ETFBKMT: variants seen among roughly 807,000 people sequenced by gnomAD.
ETFBKMT encodes the protein electron transfer flavoprotein beta subunit lysine methyltransferase.
ETFBKMT carries 13 observed loss-of-function variants against 18.3 expected under a neutral mutation model. The observed-to-expected ratio is 0.71, with a 90% CI of 0.46 to 1.13. ETFBKMT has a LOEUF of 1.13. Among genes scored for constraint, ETFBKMT ranks in the 50% most tolerant of loss-of-function variants. The pLI, the probability that ETFBKMT is intolerant of heterozygous loss-of-function variation, is 0.00. For synonymous variants in ETFBKMT, 84 were observed against 107.9 expected (o/e 0.78, Z 1.37); for missense variants, 293 against 306.2 (o/e 0.96, Z 0.32).
upstream of ETFBKMT, among the ~76,000 whole-genome samples, chr12:31,655,178 G>A (rs1951051409): frequency 6.6e-6 from 1 of 151,574 alleles, no homozygotes; most frequent in South Asian, 2.1e-4. Context: ...TTTTGGTGAT[G>A]GTTTCATGAG....
upstream of ETFBKMT, among the ~76,000 whole-genome samples, chr12:31,656,027 G>A (rs1419110864): frequency 6.6e-6 from 1 of 152,172 alleles, no homozygotes; most frequent in Non-Finnish European, 1.5e-5. Flanking sequence ...GATATGTAAT[G>A]TTTGTTATTT....
intron 3 of ETFBKMT, 125 bp downstream of exon 3, chr12:31,666,342 C>A: frequency 9.9e-7 from 1 of 1,012,322 alleles, no homozygotes; most frequent in Non-Finnish European, 1.4e-6. Context: ...TTGTGAATCT[C>A]TGTGCACTGG....
chr12:31,648,655 G>A (rs371784068), intron 1 of ETFBKMT, among the ~76,000 whole-genome samples: 2 of 140,246 alleles, frequency 1.4e-5, no homozygotes, highest in Non-Finnish European at 3.0e-5. Context: ...TCTGCCTCCC[G>A]GGTTCTAGCC....
In ETFBKMT at chr12:31,661,850, T is replaced by C; in HGVS notation, c.-104T>C. The C allele has an allele frequency of 1.0e-6, 1 of 1,001,878 alleles. No homozygotes were observed. Among genetic ancestry groups the C allele is most frequent in the African/African-American group, 1.6e-5 (1 of 61,982 alleles). 62.1% of individuals were successfully genotyped at this position (1,001,878 alleles called of 1,614,324 possible). ...TTCTTTTTTTTTTCAGAGTCAGAGGTTCCGGTTGAGATCAAGTTGGGAGAC... is the reference window on the plus strand; with the variant it reads ...TTCTTTTTTTTTTCAGAGTCAGAGGCTCCGGTTGAGATCAAGTTGGGAGAC... On this transcript the variant is annotated 5_prime_UTR_variant, in exon 2 of 4. Coordinates refer to ENST00000357721, the MANE Select transcript of ETFBKMT (RefSeq NM_001135863.2).
Position 31,671,008 on chromosome 12 carries a change from C to T in ETFBKMT, c.*3018C>T, listed in dbSNP as rs1951258473. Reference sequence around the variant, plus strand: ...ACAGAGTGGTGAGAAATAGTTAATACAGCTAGCAACATAAAAAAGGAGAAA... The same window carrying T: ...ACAGAGTGGTGAGAAATAGTTAATATAGCTAGCAACATAAAAAAGGAGAAA... On this transcript the variant is annotated 3_prime_UTR_variant, in exon 4 of 4. Transcript: ENST00000357721. The T allele has an allele frequency of 6.6e-6, 1 of 152,098 alleles. No individual in the cohort carries two copies. The highest frequency in any genetic ancestry group is 2.1e-4 in the South Asian group (1 of 4,824). The allele number at this position is 152,098 out of a possible 1,614,324, so 9.4% of individuals were successfully genotyped here. A position where few individuals can be genotyped will look rare whatever the true frequency, so the allele number is the denominator to read the frequency against.
Position 31,661,747 on chromosome 12 carries a change from C to A in ETFBKMT, c.-113-94C>A. The stretch of plus-strand genomic sequence containing the variant: ...GTGCAGGGATTACAGGCGTGAGCCA[C>A]CGCGCCCGGCCAATATTTTCTTATT... On this transcript the variant is annotated intron_variant, in intron 1 of 3. Coordinates refer to ENST00000357721, the MANE Select transcript of ETFBKMT (RefSeq NM_001135863.2). The A allele has an allele frequency of 5.5e-6, 3 of 541,472 alleles. No individual in the cohort carries two copies. The South Asian group carries it at 6.5e-5, about 12-fold the overall frequency. 33.5% of individuals were successfully genotyped at this position (541,472 alleles called of 1,614,324 possible). A position where few individuals can be genotyped will look rare whatever the true frequency, so the allele number is the denominator to read the frequency against.
intron 1 of ETFBKMT, among the ~76,000 whole-genome samples, chr12:31,654,087 T>C (rs1951039654): frequency 6.6e-6 from 1 of 152,198 alleles, no homozygotes; most frequent in African/African-American, 2.4e-5. Context: ...CCTCACCCTG[T>C]CGTCCAGGCT....
At position 31,661,946 on chromosome 12, in the gene ETFBKMT, A is replaced by C. The variant is rs1951129602; in HGVS notation, c.-8A>C. On this transcript the variant is annotated 5_prime_UTR_variant, in exon 2 of 4. Transcript: ENST00000357721. ...CATTGACAGAACCTGTGTTTGGGGA[A>C]AGGACTGATGGCTTTGAGTCTAGGT... 1 of 1,611,356 alleles carries C rather than the reference A, an allele frequency of 6.2e-7. No homozygotes were observed. The highest frequency in any genetic ancestry group is 8.5e-7 in the Non-Finnish European group (1 of 1,178,442).
intron 1 of ETFBKMT, among the ~76,000 whole-genome samples, chr12:31,653,819 G>A (rs1286992780): frequency 2.0e-5 from 3 of 151,992 alleles, no homozygotes; most frequent in African/African-American, 7.3e-5. Flanking sequence ...GTGGTGGCGG[G>A]TGCCTGTAAT....
At chr12:31,666,361 C>A in intron 3 of ETFBKMT, 144 bp downstream of exon 3, 2 of 868,840 alleles carry the variant, frequency 2.3e-6, no homozygotes, top group Admixed American at 2.9e-5. Context: ...GGGACATTAT[C>A]TGTAGGAATC....
chr12:31,661,024 T>C (rs1951115742), intron 1 of ETFBKMT: 1 of 151,656 alleles, frequency 6.6e-6, no homozygotes, highest in African/African-American at 2.4e-5. Context: ...CAATATAAAA[T>C]TACAACAATA....
At chr12:31,656,111 GTA>G (rs1951060010), upstream of ETFBKMT, among the ~76,000 whole-genome samples, 1 of 152,160 alleles carries the variant, frequency 6.6e-6, no homozygotes, top group South Asian at 2.1e-4. Context: ...GCTAAAAGAG[GTA>G]TGACATGGTC....
Position 31,670,225 on chromosome 12 carries a change from T to C in ETFBKMT, c.*2235T>C, listed in dbSNP as rs1159189043. ...GGAATTACAGCATAAATGTTCCTAT[T>C]GGTACTGGCTCCAGCAACAGGCTTC... On this transcript the variant is annotated 3_prime_UTR_variant, in exon 4 of 4. Coordinates refer to ENST00000357721, the MANE Select transcript of ETFBKMT (RefSeq NM_001135863.2). 1 of 152,216 alleles carries C rather than the reference T, an allele frequency of 6.6e-6. No homozygotes were observed. The highest frequency in any genetic ancestry group is 1.5e-5 in the Non-Finnish European group (1 of 68,052). 9.4% of individuals were successfully genotyped at this position (152,216 alleles called of 1,614,324 possible). A position where few individuals can be genotyped will look rare whatever the true frequency, so the allele number is the denominator to read the frequency against.
chr12:31,651,044 G>A (rs187025885), intron 1 of ETFBKMT, among the ~76,000 whole-genome samples: 112 of 152,274 alleles, frequency 7.4e-4, no homozygotes, highest in African/African-American at 2.4e-3. Flanking sequence ...CAGGAGAGGA[G>A]TGATTCAGAA....
In ETFBKMT at chr12:31,673,011, GT is replaced by G. The variant is rs957772244; in HGVS notation, c.*5025del. 5.8e-4 allele frequency: 89 copies of G among 152,200 alleles called. No individual in the cohort carries two copies. The highest frequency in any genetic ancestry group is 2.0e-3 in the African/African-American group (83 of 41,512). 9.4% of individuals were successfully genotyped at this position (152,200 alleles called of 1,614,324 possible). A position where few individuals can be genotyped will look rare whatever the true frequency, so the allele number is the denominator to read the frequency against. On this transcript the variant is annotated 3_prime_UTR_variant, in exon 4 of 4. Transcript: ENST00000357721. ...AATCTATATTATTGGACATTTAGATGTTTTCAGTTTTTCACAATGTACAGTC... is the reference window on the plus strand; with the variant it reads ...AATCTATATTATTGGACATTTAGATGTTTCAGTTTTTCACAATGTACAGTC...
At chr12:31,658,511 G>C (rs537555581), upstream of ETFBKMT, among the ~76,000 whole-genome samples, 1 of 152,200 alleles carries the variant, frequency 6.6e-6, no homozygotes, top group Non-Finnish European at 1.5e-5. Flanking sequence ...AGTTCCTAAA[G>C]ATTCCAGTTT....
intron 1 of ETFBKMT, among the ~76,000 whole-genome samples, chr12:31,647,967 A>T (rs1382929046): frequency 2.0e-5 from 3 of 152,338 alleles, no homozygotes; most frequent in African/African-American, 7.2e-5. Context: ...GCAATTCCTA[A>T]ATAATTTGAG....
At chr12:31,655,146 C>T (rs1951051121), upstream of ETFBKMT, among the ~76,000 whole-genome samples, 1 of 151,184 alleles carries the variant, frequency 6.6e-6, no homozygotes, top group Admixed American at 6.6e-5. Context: ...CACAGGAGCA[C>T]TGAATATATT....
At chr12:31,657,791 C>CA (rs777612236), upstream of ETFBKMT, among the ~76,000 whole-genome samples, 9,370 of 45,374 alleles carry the variant, frequency 0.21, 726 homozygotes, top group East Asian at 0.36. Context: ...GACTTCATCT[C>CA]AAAAAAAAAA....
Sources: allele counts gnomAD v4.1 joint callset (sites outside exome capture counted in the v4.1 genomes callset), GRCh38; gene constraint gnomAD v4.1.1; transcripts MANE v1.5; gene names NCBI Gene and HGNC (gene_info 2026-07-23, HGNC 2026-07-21).